LRRC20: variants seen among roughly 807,000 people sequenced by gnomAD.
The protein encoded by LRRC20 is leucine-rich repeat-containing protein 20.
LRRC20 carries 11 observed loss-of-function variants against 14.4 expected under a neutral mutation model. The ratio of observed to expected loss-of-function variants is 0.77; its 90% CI spans 0.48 to 1.27. The LOEUF is 1.27. Among genes scored for constraint, LRRC20 ranks in the 50% most tolerant of loss-of-function variants. The pLI is 0.00. For missense variants in LRRC20, 219 were observed against 251.2 expected, an observed-to-expected ratio of 0.87 and a Z score of 0.87; for synonymous variants, 121 against 107.3, an observed-to-expected ratio of 1.13 and a Z score of -0.79.
At chr10:70,350,871 G>A (rs937469008) in intron 2 of LRRC20, among the ~76,000 whole-genome samples, 12 of 152,170 alleles carry the variant, frequency 7.9e-5, no homozygotes, top group Non-Finnish European at 1.6e-4. Context: ...TTTGGCCGAC[G>A]TTTGCCAAAC....
chr10:70,324,785 G>T (rs1247763444), intron 3 of LRRC20, among the ~76,000 whole-genome samples: 1 of 152,216 alleles, frequency 6.6e-6, no homozygotes, highest in Non-Finnish European at 1.5e-5. Flanking sequence ...AGGTGGTGGA[G>T]GAGCACAGCC....
chr10:70,316,340 C>T (rs371973908), intron 4 of LRRC20, among the ~76,000 whole-genome samples: 1 of 152,162 alleles, frequency 6.6e-6, no homozygotes, highest in African/African-American at 2.4e-5. Flanking sequence ...ACCACATCGG[C>T]CAGGCCAGAC....
At chr10:70,341,374 C>T (rs1476343655) in intron 2 of LRRC20, among the ~76,000 whole-genome samples, 3 of 152,198 alleles carry the variant, frequency 2.0e-5, no homozygotes, top group Non-Finnish European at 4.4e-5. Flanking sequence ...CACAATGGCC[C>T]GAAAGCCAGA....
chr10:70,313,650 T>A (rs1404837926), intron 4 of LRRC20, among the ~76,000 whole-genome samples: 2 of 152,186 alleles, frequency 1.3e-5, no homozygotes, highest in African/African-American at 4.8e-5. Flanking sequence ...TACCAGCCCC[T>A]TCCCAAAACT....
Position 70,326,765 on chromosome 10 carries a change from G to C in LRRC20, c.233-2735C>G, listed in dbSNP as rs183026613. On this transcript the variant is annotated intron_variant, in intron 3 of 4. Transcript: ENST00000446961. ...CCTCCTGGGTTCACGCCATTCTCCTGTCTCAGCCTCCCAAGTAGCTGGGAC... is the reference window on the plus strand; with the variant it reads ...CCTCCTGGGTTCACGCCATTCTCCTCTCTCAGCCTCCCAAGTAGCTGGGAC... Among the ~76,000 whole-genome samples, 3 of 152,246 alleles carry C rather than the reference G, an allele frequency of 2.0e-5. No homozygotes were observed. In the East Asian group the frequency reaches 5.8e-4, roughly 29 times the overall value.
intron 4 of LRRC20, among the ~76,000 whole-genome samples, chr10:70,316,648 C>G (rs1841871146): frequency 6.6e-6 from 1 of 152,250 alleles, no homozygotes; most frequent in Non-Finnish European, 1.5e-5. Context: ...GGGCTGCAAA[C>G]AGGAGCTTCC....
chr10:70,344,691 C>T (rs182613961), intron 2 of LRRC20, among the ~76,000 whole-genome samples: 142 of 152,214 alleles, frequency 9.3e-4, no homozygotes, highest in African/African-American at 3.2e-3. Context: ...CTCAGCTTCC[C>T]GGGTAGCTGG....
chr10:70,309,003 T>C (rs1380415529), intron 4 of LRRC20, among the ~76,000 whole-genome samples: 4 of 152,140 alleles, frequency 2.6e-5, no homozygotes, highest in African/African-American at 9.7e-5. Flanking sequence ...GCCCCCATTT[T>C]CCCTATTAAT....
At chr10:70,363,744 G>A (rs1446712662) in intron 2 of LRRC20, among the ~76,000 whole-genome samples, 2 of 152,136 alleles carry the variant, frequency 1.3e-5, no homozygotes, top group Non-Finnish European at 2.9e-5. Flanking sequence ...GGGGGCACAG[G>A]AGAAGAGGGA....
intron 2 of LRRC20, among the ~76,000 whole-genome samples, chr10:70,341,781 T>A (rs1338970636): frequency 5.3e-5 from 8 of 151,834 alleles, no homozygotes; most frequent in Admixed American, 2.0e-4. Context: ...ACCAAAAAAA[T>A]TTTTAAAAAA....
At chr10:70,371,698 A>C (rs1405962566) in intron 2 of LRRC20, among the ~76,000 whole-genome samples, 1 of 152,056 alleles carries the variant, frequency 6.6e-6, no homozygotes, top group Non-Finnish European at 1.5e-5. Context: ...GCAGTTTGCA[A>C]CTCTGCATGC....
chr10:70,354,853 T>C (rs1316140267), intron 2 of LRRC20, among the ~76,000 whole-genome samples: 1 of 152,180 alleles, frequency 6.6e-6, no homozygotes, highest in East Asian at 1.9e-4. Context: ...TGACCCTCGG[T>C]GTGGAGGCCG....
chr10:70,374,747 C>A (rs148614267), intron 2 of LRRC20, among the ~76,000 whole-genome samples: 1 of 152,284 alleles, frequency 6.6e-6, no homozygotes, highest in African/African-American at 2.4e-5. Context: ...CCAGCACAGA[C>A]GTGGCTGGCT....
Position 70,372,552 on chromosome 10 carries a change from C to G in LRRC20, c.82+3900G>C, listed in dbSNP as rs1277201464. ...CACCTCCCAGGTTCACACCATTCTC[C>G]TGCCTCAGCCTCCCGAGTAGCTGGG... On this transcript the variant is annotated intron_variant, in intron 2 of 4. Transcript: ENST00000446961. Among the ~76,000 whole-genome samples, 4 of 151,672 alleles carry G rather than the reference C, an allele frequency of 2.6e-5. No homozygotes were observed. The East Asian group carries it at 7.9e-4, about 30-fold the overall frequency.
chr10:70,382,095 C>T (rs1371437325), intron 1 of LRRC20, among the ~76,000 whole-genome samples: 1 of 152,208 alleles, frequency 6.6e-6, no homozygotes, highest in African/African-American at 2.4e-5. Flanking sequence ...TCCCACGCTG[C>T]CCGGAGGCCG....
Position 70,301,287 on chromosome 10 carries a change from T to G in LRRC20, c.*67A>C, listed in dbSNP as rs1019013859. 4 of 1,511,370 alleles carry G rather than the reference T, an allele frequency of 2.6e-6. No homozygotes were observed. Among genetic ancestry groups the G allele is most frequent in the Non-Finnish European group, 3.5e-6 (4 of 1,127,042 alleles). The allele number at this position is 1,511,370 out of a possible 1,614,324, so 93.6% of individuals were successfully genotyped here. A position where few individuals can be genotyped will look rare whatever the true frequency, so the allele number is the denominator to read the frequency against. On this transcript the variant is annotated 3_prime_UTR_variant, in exon 5 of 5. Coordinates refer to ENST00000446961, the MANE Select transcript of LRRC20 (RefSeq NM_001278212.2). ...CCCCAGGCTTGGCCTCCCATGGGCC[T>G]CCCTCCCTTCCAGGGTTCCAGGCCT...
chr10:70,310,731 T>C (rs2136892728), intron 4 of LRRC20, among the ~76,000 whole-genome samples: 1 of 152,342 alleles, frequency 6.6e-6, no homozygotes. Context: ...TCGCCATCAA[T>C]GCTGCTTAAT....
At chr10:70,337,481 A>G (rs1842758263) in intron 3 of LRRC20, among the ~76,000 whole-genome samples, 1 of 152,202 alleles carries the variant, frequency 6.6e-6, no homozygotes, top group South Asian at 2.1e-4. Flanking sequence ...AGGAGTTCAA[A>G]CAGCAACTTC....
At chr10:70,343,411 T>A (rs1252193271) in intron 2 of LRRC20, among the ~76,000 whole-genome samples, 1 of 152,180 alleles carries the variant, frequency 6.6e-6, no homozygotes, top group East Asian at 1.9e-4. Flanking sequence ...AGGGCTCCTC[T>A]GCCAGGCAGC....
Sources: allele counts gnomAD v4.1 joint callset (sites outside exome capture counted in the v4.1 genomes callset), GRCh38; gene constraint gnomAD v4.1.1; transcripts MANE v1.5; gene names NCBI Gene and HGNC (gene_info 2026-07-23, HGNC 2026-07-21).